The following PRIM2 variants were observed in gnomAD, a reference collection of about 807,000 sequenced individuals.
PRIM2 encodes DNA primase subunit 2, also known as DNA primase large subunit.
A neutral mutation model predicts 67.3 loss-of-function variants in PRIM2; 39 were observed. The observed-to-expected ratio is 0.58, with a 90% CI of 0.45 to 0.76. The LOEUF is 0.76. Among genes scored for constraint, PRIM2 ranks in the 30% least tolerant of loss-of-function variants. PRIM2 has a pLI of 0.00. For synonymous variants in PRIM2, 143 were observed against 198.7 expected (o/e 0.72, Z 2.36); for missense variants, 398 against 598.7 (o/e 0.66, Z 3.50).
At chr6:57,338,359 G>A (rs1768342893) in intron 5 of PRIM2, among the ~76,000 whole-genome samples, 1 of 152,100 alleles carries the variant, frequency 6.6e-6, no homozygotes, top group Non-Finnish European at 1.5e-5. Context: ...CTCATTTTAT[G>A]AGGCCAGCAT....
intron 10 of PRIM2, among the ~76,000 whole-genome samples, chr6:57,581,912 G>A (rs1185949966): frequency 4.6e-5 from 7 of 152,188 alleles, no homozygotes; most frequent in Admixed American, 2.0e-4. Context: ...AACAAGAGGC[G>A]CATGAACTAG....
intron 5 of PRIM2, among the ~76,000 whole-genome samples, chr6:57,365,033 C>A (rs1311864251): frequency 6.6e-6 from 1 of 152,092 alleles, no homozygotes; most frequent in Non-Finnish European, 1.5e-5. Flanking sequence ...CCCCTCTCCC[C>A]TTAACATATT....
upstream of PRIM2, among the ~76,000 whole-genome samples, chr6:57,311,295 G>C (rs548393285): frequency 3.6e-3 from 522 of 145,006 alleles, 6 homozygotes; most frequent in African/African-American, 0.013. Flanking sequence ...GCCGGGCAGA[G>C]GCGCTCCTCA....
intron 9 of PRIM2, among the ~76,000 whole-genome samples, chr6:57,532,984 T>C (rs1774923953): frequency 6.6e-6 from 1 of 152,154 alleles, no homozygotes. Context: ...CATACATCCC[T>C]GGTGTCTCTT....
Position 57,379,874 on chromosome 6 carries a change from G to C in PRIM2, c.460-27G>C. ...AACTGAATGAGGACTTCAAATTTTT[G>C]TAACAGCTTAAAATATGTTTTTTTA... On this transcript the variant is annotated intron_variant, in intron 5 of 13. Coordinates refer to ENST00000615550, the MANE Select transcript of PRIM2 (RefSeq NM_000947.5). 4 of 1,522,278 alleles carry C rather than the reference G, an allele frequency of 2.6e-6. No homozygotes were observed. In the South Asian group the frequency reaches 5.1e-5, roughly 19 times the overall value. The allele number at this position is 1,522,278 out of a possible 1,614,324, so 94.3% of individuals were successfully genotyped here. A position where few individuals can be genotyped will look rare whatever the true frequency, so the allele number is the denominator to read the frequency against.
At chr6:57,513,448 C>T (rs1412296091) in intron 8 of PRIM2, among the ~76,000 whole-genome samples, 2 of 150,342 alleles carry the variant, frequency 1.3e-5, no homozygotes, top group Non-Finnish European at 3.0e-5. Context: ...AACTTGCAGC[C>T]CATATTATAC....
rs1255403167 is a variant in PRIM2 at position 57,457,322 on chromosome 6, CA to C, written c.694-50064del. ...CACTACTCTCTTCAAAGCTGTCAGA[CA>C]GGGACATTTAAGTCTGCAGAGGATT... is the stretch of plus-strand genomic sequence containing the variant. On this transcript the variant is annotated intron_variant, in intron 7 of 13. Transcript: ENST00000615550. Among the ~76,000 whole-genome samples, 15 of 152,332 alleles carry C rather than the reference CA, an allele frequency of 9.8e-5. 1 individual carries two copies. The highest frequency in any genetic ancestry group is 3.6e-4 in the African/African-American group (15 of 41,580).
At chr6:57,223,885 A>G in the PRIM2 span, among the ~76,000 whole-genome samples, 1 of 152,202 alleles carries the variant, frequency 6.6e-6, no homozygotes, top group Non-Finnish European at 1.5e-5. Flanking sequence ...GGAATGTAAA[A>G]TGGTACGGCC....
chr6:57,519,705 C>T (rs1203880731), intron 8 of PRIM2, among the ~76,000 whole-genome samples: 4 of 152,122 alleles, frequency 2.6e-5, no homozygotes, highest in Non-Finnish European at 5.9e-5. Flanking sequence ...TCCTCCTCAG[C>T]TGACAGGATT....
chr6:57,410,684 A>G (rs1372231899), intron 7 of PRIM2, among the ~76,000 whole-genome samples: 2 of 151,994 alleles, frequency 1.3e-5, no homozygotes, highest in African/African-American at 2.4e-5. Flanking sequence ...GTCTGTGAAT[A>G]TAGTTTTATT....
chr6:57,618,742 A>T (rs1452825790), intron 12 of PRIM2, among the ~76,000 whole-genome samples: 1 of 150,238 alleles, frequency 6.7e-6, no homozygotes, highest in Non-Finnish European at 1.5e-5. Context: ...TGGGAATCTC[A>T]CCCCGTCCCC....
chr6:57,474,265 C>T (rs1773416433), intron 7 of PRIM2, among the ~76,000 whole-genome samples: 2 of 121,786 alleles, frequency 1.6e-5, no homozygotes, highest in Non-Finnish European at 3.2e-5. Flanking sequence ...AGCTCCGCCT[C>T]CCGGGGTTCA....
chr6:57,484,327 TA>T (rs1364376367), intron 7 of PRIM2, among the ~76,000 whole-genome samples: 1 of 152,154 alleles, frequency 6.6e-6, no homozygotes, highest in Non-Finnish European at 1.5e-5. Flanking sequence ...GTAACAGAGA[TA>T]GGGATTGTTG....
the PRIM2 span, among the ~76,000 whole-genome samples, chr6:57,292,348 G>A: frequency 3.2e-4 from 48 of 152,030 alleles, 2 homozygotes; most frequent in South Asian, 2.1e-4. Context: ...AATAAAAGAG[G>A]ACACAAACAA....
At chr6:57,599,482 C>A (rs1220036335) in intron 10 of PRIM2, among the ~76,000 whole-genome samples, 6 of 151,628 alleles carry the variant, frequency 4.0e-5, no homozygotes, top group Non-Finnish European at 8.8e-5. Flanking sequence ...CTTCTTCCTA[C>A]ATATTTCAAT....
the PRIM2 span, among the ~76,000 whole-genome samples, chr6:57,289,950 T>A: frequency 6.6e-6 from 1 of 152,020 alleles, no homozygotes; most frequent in Non-Finnish European, 1.5e-5. Context: ...AATTCACACA[T>A]AACAATATTA....
intron 10 of PRIM2, among the ~76,000 whole-genome samples, chr6:57,544,991 C>CT (rs1473456833): frequency 5.4e-4 from 82 of 152,176 alleles, no homozygotes; most frequent in African/African-American, 1.8e-3. Context: ...AAAAAATAAT[C>CT]TTTATCTGTT....
At position 57,329,513 on chromosome 6, in the gene PRIM2, G is replaced by A. The variant is rs572591235; in HGVS notation, c.459+3468G>A. On this transcript the variant is annotated intron_variant, in intron 5 of 13. Coordinates refer to ENST00000615550, the MANE Select transcript of PRIM2 (RefSeq NM_000947.5). ...GAATTGTAGTTCCCATAATCCCCAC[G>A]TGTCATGGAAAGGACTTGGTGGGAG... is the stretch of plus-strand genomic sequence containing the variant. Among the ~76,000 whole-genome samples, 15 of 152,134 alleles carry A rather than the reference G, an allele frequency of 9.9e-5. No individual in the cohort carries two copies. In the East Asian group the frequency reaches 2.5e-3, roughly 25 times the overall value.
At chr6:57,366,192 G>A (rs1024785199) in intron 5 of PRIM2, among the ~76,000 whole-genome samples, 3 of 152,136 alleles carry the variant, frequency 2.0e-5, no homozygotes, top group Non-Finnish European at 4.4e-5. Context: ...ATAGAAATTT[G>A]CCAGTAGAAA....
Sources: allele counts gnomAD v4.1 joint callset (sites outside exome capture counted in the v4.1 genomes callset), GRCh38; gene constraint gnomAD v4.1.1; transcripts MANE v1.5; gene names NCBI Gene and HGNC (gene_info 2026-07-23, HGNC 2026-07-21).